The following POLR2H variants were observed in gnomAD, a reference collection of about 807,000 sequenced individuals.
POLR2H encodes DNA-directed RNA polymerases I, II, and III subunit RPABC3.
In POLR2H, 3 loss-of-function variants were observed where a neutral mutation model predicts 18.1. That is an observed-to-expected ratio of 0.17 (90% CI 0.08 to 0.43). POLR2H has a LOEUF of 0.43. POLR2H is among the 20% of genes least tolerant of loss of function. The pLI is 0.99. For missense variants in POLR2H, 103 were observed against 184.6 expected, an observed-to-expected ratio of 0.56 and a Z score of 2.56; for synonymous variants, 76 against 69.0, an observed-to-expected ratio of 1.10 and a Z score of -0.50.
intron 4 of POLR2H, 135 bp downstream of exon 4, chr3:184,365,361 C>A: frequency 1.4e-6 from 1 of 715,896 alleles, no homozygotes; most frequent in Non-Finnish European, 2.5e-6. Context: ...GAAATTTCTG[C>A]ACTTAAGAAT....
chr3:184,364,885 G>A, intron 2 of POLR2H, 81 bp from the exon 3 acceptor site: 1 of 898,244 alleles, frequency 1.1e-6, no homozygotes, highest in Non-Finnish European at 1.8e-6. Context: ...GGGTTAGATT[G>A]AGTATCCTGT....
intron 4 of POLR2H, 42 bp downstream of exon 4, chr3:184,365,268 G>C: frequency 9.0e-7 from 1 of 1,109,268 alleles, no homozygotes; most frequent in Non-Finnish European, 1.4e-6. Flanking sequence ...ATGCCTTGAG[G>C]ACTAAGTAGA....
intron 2 of POLR2H, 22 bp from the exon 3 acceptor site, chr3:184,364,944 C>T: frequency 6.4e-7 from 1 of 1,560,292 alleles, no homozygotes; most frequent in African/African-American, 1.4e-5. Flanking sequence ...ACCTCTGTCA[C>T]TCTTTTCCTG....
chr3:184,362,111 T>G lies in POLR2H; in HGVS notation c.-656T>G, dbSNP rs1712228516. ...AAGGATTCGGAGAGGGTTGGGGCCGTCTTCCTCATCCTTCCTTTTCTCGGG... is the reference window on the plus strand; with the variant it reads ...AAGGATTCGGAGAGGGTTGGGGCCGGCTTCCTCATCCTTCCTTTTCTCGGG... On this transcript the variant is annotated 5_prime_UTR_variant, in exon 1 of 6. Coordinates refer to ENST00000456318, the MANE Select transcript of POLR2H (RefSeq NM_006232.5). The surrounding 1 kb of genome is among the most constrained non-coding windows in gnomAD (Gnocchi z 5.9). 1 of 152,122 alleles carries G rather than the reference T, an allele frequency of 6.6e-6. No individual in the cohort carries two copies. The highest frequency in any genetic ancestry group is 6.5e-5 in the Admixed American group (1 of 15,276). The allele number at this position is 152,122 out of a possible 1,614,324, so 9.4% of individuals were successfully genotyped here.
intron 5 of POLR2H, among the ~76,000 whole-genome samples, chr3:184,367,492 C>CAT (rs1553859777): frequency 1.4e-5 from 2 of 143,112 alleles, no homozygotes; most frequent in Non-Finnish European, 3.1e-5. Flanking sequence ...CTTTTCTTTT[C>CAT]TTTTTTTTTT....
At chr3:184,366,604 C>T in intron 4 of POLR2H, 113 bp from the exon 5 acceptor site, 1 of 628,932 alleles carries the variant, frequency 1.6e-6, no homozygotes, top group South Asian at 1.7e-5. Flanking sequence ...TCCCAAAGTG[C>T]TGGGGTTACA....
Position 184,362,307 on chromosome 3 carries a change from G to A in POLR2H, c.-621+161G>A, listed in dbSNP as rs1231999404. The A allele has an allele frequency of 6.6e-6, 1 of 152,404 alleles. No individual in the cohort carries two copies. The highest frequency in any genetic ancestry group is 1.5e-5 in the Non-Finnish European group (1 of 68,238). The allele number at this position is 152,404 out of a possible 1,614,324, so 9.4% of individuals were successfully genotyped here. A position where few individuals can be genotyped will look rare whatever the true frequency, so the allele number is the denominator to read the frequency against. Reference sequence around the variant, plus strand: ...CTTCTCCCTGGCTGGGCCCAAGGAGGAACCCAAGTCGCTGCTTCCATCCCT... The same window carrying A: ...CTTCTCCCTGGCTGGGCCCAAGGAGAAACCCAAGTCGCTGCTTCCATCCCT... On this transcript the variant is annotated intron_variant, in intron 1 of 5. Transcript: ENST00000456318. The surrounding 1 kb of genome is among the most constrained non-coding windows in gnomAD (Gnocchi z 5.9).
In POLR2H at chr3:184,362,034, G is replaced by A. The variant is rs560893604; in HGVS notation, c.-733G>A. ...CCCCTCCGAAGAGACGAGCGGCCCAGACAGGCCTGGGAAGGCCCCTCTGCC... is the reference window on the plus strand; with the variant it reads ...CCCCTCCGAAGAGACGAGCGGCCCAAACAGGCCTGGGAAGGCCCCTCTGCC... On this transcript the variant is annotated 5_prime_UTR_variant, in exon 1 of 6. Transcript: ENST00000456318. The surrounding 1 kb of genome is among the most constrained non-coding windows in gnomAD (Gnocchi z 5.9). 3.9e-5 allele frequency: 6 copies of A among 152,806 alleles called. No individual in the cohort carries two copies. The highest frequency in any genetic ancestry group is 1.4e-4 in the African/African-American group (6 of 41,602). The allele number at this position is 152,806 out of a possible 1,614,324, so 9.5% of individuals were successfully genotyped here. A position where few individuals can be genotyped will look rare whatever the true frequency, so the allele number is the denominator to read the frequency against.
At position 184,363,433 on chromosome 3, in the gene POLR2H, A is replaced by T. The variant is rs1013908164; in HGVS notation, c.-60A>T. On this transcript the variant is annotated 5_prime_UTR_variant, in exon 2 of 6. Coordinates refer to ENST00000456318, the MANE Select transcript of POLR2H (RefSeq NM_006232.5). ...CGGTCTTGTCCACGCTAGGGGGTGC[A>T]CGTACTCCCAACTGTGGTCGCGCTC... The T allele has an allele frequency of 3.6e-6, 5 of 1,372,242 alleles. No homozygotes were observed. The highest frequency in any genetic ancestry group is 5.2e-6 in the Non-Finnish European group (5 of 962,712). The allele number at this position is 1,372,242 out of a possible 1,614,324, so 85.0% of individuals were successfully genotyped here.
chr3:184,368,372 G>C lies in POLR2H; in HGVS notation c.*78G>C. The C allele has an allele frequency of 1.6e-6, 2 of 1,238,390 alleles. No individual in the cohort carries two copies. The highest frequency in any genetic ancestry group is 2.2e-6 in the Non-Finnish European group (2 of 891,012). 76.7% of individuals were successfully genotyped at this position (1,238,390 alleles called of 1,614,324 possible). A position where few individuals can be genotyped will look rare whatever the true frequency, so the allele number is the denominator to read the frequency against. ...TCAAGCCTGAGTGGCAGCCGCTCTT[G>C]CTCACCTGTTGAGGAAGGGCTGGCT... On this transcript the variant is annotated 3_prime_UTR_variant, in exon 6 of 6. Coordinates refer to ENST00000456318, the MANE Select transcript of POLR2H (RefSeq NM_006232.5).
intron 4 of POLR2H, among the ~76,000 whole-genome samples, chr3:184,366,103 G>T (rs888783857): frequency 2.0e-5 from 3 of 152,176 alleles, no homozygotes; most frequent in African/African-American, 4.8e-5. Flanking sequence ...GGCCATGTGG[G>T]TCTTGTGTCT....
chr3:184,363,599 G>A (rs769251240), intron 2 of POLR2H, 34 bp downstream of exon 2: 1 of 1,567,138 alleles, frequency 6.4e-7, no homozygotes, highest in Non-Finnish European at 8.8e-7. Flanking sequence ...TTTGGAGGAA[G>A]AGGCTAACCT....
In POLR2H at chr3:184,363,477, T is replaced by C. The variant is rs202148995; in HGVS notation, c.-16T>C. 112 of 1,612,298 alleles carry C rather than the reference T, an allele frequency of 6.9e-5. No homozygotes were observed. The African/African-American group carries it at 1.3e-3, about 18-fold the overall frequency. On this transcript the variant is annotated 5_prime_UTR_variant, in exon 2 of 6. Coordinates refer to ENST00000456318, the MANE Select transcript of POLR2H (RefSeq NM_006232.5). ...CGCGCTCTCACCCCTTCTGCTGCTCTCGTGGCCCCCTCGCGATGGCGGGCA... is the reference window on the plus strand; with the variant it reads ...CGCGCTCTCACCCCTTCTGCTGCTCCCGTGGCCCCCTCGCGATGGCGGGCA...
intron 2 of POLR2H, among the ~76,000 whole-genome samples, chr3:184,364,229 T>C (rs930439012): frequency 6.6e-6 from 1 of 151,236 alleles, no homozygotes; most frequent in Non-Finnish European, 1.5e-5. Flanking sequence ...AGCTGCTTGG[T>C]ATATACCTTT....
chr3:184,365,447 G>A (rs1713064658), intron 4 of POLR2H: 2 of 568,254 alleles, frequency 3.5e-6, no homozygotes, highest in African/African-American at 3.8e-5. Context: ...GATTGCTTGA[G>A]TCCAGGAGTT....
In POLR2H at chr3:184,362,093, C is replaced by G. The variant is rs1302445193; in HGVS notation, c.-674C>G. ...GGTGAAAAGCAAAGCTGGAAGGATT[C>G]GGAGAGGGTTGGGGCCGTCTTCCTC... On this transcript the variant is annotated 5_prime_UTR_variant, in exon 1 of 6. Transcript: ENST00000456318. This position sits in a 1 kb window ranked among gnomAD's most constrained non-coding sequence, Gnocchi z 5.9. The G allele has an allele frequency of 6.6e-6, 1 of 152,206 alleles. No individual in the cohort carries two copies. The highest frequency in any genetic ancestry group is 1.9e-4 in the East Asian group (1 of 5,174). The allele number at this position is 152,206 out of a possible 1,614,324, so 9.4% of individuals were successfully genotyped here. A position where few individuals can be genotyped will look rare whatever the true frequency, so the allele number is the denominator to read the frequency against.
intron 4 of POLR2H, among the ~76,000 whole-genome samples, chr3:184,366,024 A>G (rs1334301947): frequency 5.9e-5 from 9 of 152,062 alleles, no homozygotes; most frequent in African/African-American, 1.7e-4. Flanking sequence ...GTATTTATCT[A>G]TAACAGTGAT....
At position 184,364,946 on chromosome 3, in the gene POLR2H, CTT is replaced by C. The variant is rs1171915270; in HGVS notation, c.74-17_74-16del. 1.3e-6 allele frequency: 2 copies of C among 1,568,350 alleles called. No homozygotes were observed. The highest frequency in any genetic ancestry group is 1.8e-6 in the Non-Finnish European group (2 of 1,138,424). On this transcript the variant is annotated intron_variant, in intron 2 of 5. Transcript: ENST00000456318. The stretch of plus-strand genomic sequence containing the variant: ...CTGCCTTGGCAATACCTCTGTCACT[CTT>C]TTCCTGCTTCTCCCCAGTGTCTCGA...
intron 4 of POLR2H, chr3:184,365,431 C>T: frequency 3.4e-6 from 2 of 586,996 alleles, no homozygotes; most frequent in South Asian, 4.2e-5. Flanking sequence ...GAGGCCGAGG[C>T]AGGAGGATTG....
Sources: allele counts gnomAD v4.1 joint callset (sites outside exome capture counted in the v4.1 genomes callset), GRCh38; gene constraint gnomAD v4.1.1; non-coding constraint Gnocchi (gnomAD v3.1); transcripts MANE v1.5; gene names NCBI Gene and HGNC (gene_info 2026-07-23, HGNC 2026-07-21).